The following HIF3A variants were observed in gnomAD, a reference collection of about 807,000 sequenced individuals.
HIF3A encodes hypoxia inducible factor 3 subunit alpha.
A neutral mutation model predicts 67.2 loss-of-function variants in HIF3A; 41 were observed. That is an observed-to-expected ratio of 0.61 (90% CI 0.48 to 0.79). HIF3A has a LOEUF of 0.79. Among genes scored for constraint, HIF3A ranks in the 30% least tolerant of loss-of-function variants. HIF3A has a pLI of 0.00. For synonymous variants in HIF3A, 356 were observed against 374.8 expected, an observed-to-expected ratio of 0.95 and a Z score of 0.58; for missense variants, 855 against 898.0, an observed-to-expected ratio of 0.95 and a Z score of 0.61.
chr19:46,323,945 T>A (rs1331715188), intron 10 of HIF3A, among the ~76,000 whole-genome samples: 2 of 152,110 alleles, frequency 1.3e-5, no homozygotes, highest in Non-Finnish European at 2.9e-5. Flanking sequence ...GGGACTATAG[T>A]TCAAGATGAG....
chr19:46,331,021 T>C (rs1971173605), intron 12 of HIF3A, 135 bp from the exon 13 acceptor site: 2 of 546,130 alleles, frequency 3.7e-6, no homozygotes, highest in South Asian at 6.3e-5. Flanking sequence ...GATGGATGGA[T>C]GGACTGGTGG....
intron 1 of HIF3A, chr19:46,298,478 C>A: frequency 7.8e-7 from 1 of 1,286,902 alleles, no homozygotes; most frequent in Non-Finnish European, 1.0e-6. Context: ...CCTGCACCCC[C>A]TGGATGGCCC....
At chr19:46,335,115 G>A (rs1032919065) in intron 14 of HIF3A, 129 bp downstream of exon 14, 4 of 629,662 alleles carry the variant, frequency 6.4e-6, no homozygotes, top group African/African-American at 5.5e-5. Flanking sequence ...GGAAACGGCA[G>A]CTCCTGTCTC....
At chr19:46,320,036 C>T (rs995230691) in intron 8 of HIF3A, among the ~76,000 whole-genome samples, 2 of 152,116 alleles carry the variant, frequency 1.3e-5, no homozygotes, top group African/African-American at 2.4e-5. Flanking sequence ...TCGAGACCAG[C>T]CTGGCCAACG....
intron 14 of HIF3A, among the ~76,000 whole-genome samples, chr19:46,337,408 A>G (rs988847406): frequency 7.2e-5 from 11 of 152,146 alleles, no homozygotes; most frequent in African/African-American, 2.6e-4. Flanking sequence ...AGCTGGGACT[A>G]CAAGTGCGCT....
intron 13 of HIF3A, among the ~76,000 whole-genome samples, chr19:46,334,381 C>T (rs1335336616): frequency 2.0e-5 from 3 of 152,114 alleles, no homozygotes; most frequent in Admixed American, 6.5e-5. Context: ...CGTGAGCCGC[C>T]ATGCCCAGCT....
In HIF3A at chr19:46,329,420, T is replaced by C. The variant is rs369671962; in HGVS notation, c.1654T>C (p.Ser552Pro). The C allele has an allele frequency of 6.3e-7, 1 of 1,587,882 alleles. No homozygotes were observed. Among genetic ancestry groups the C allele is most frequent in the African/African-American group, 1.3e-5 (1 of 74,412 alleles). ...GGGGAGTGACCCCCGGCTGAGCTGCTCCAGCCCTTCCAGAGGGGACCCCTC... is the reference window on the plus strand; with the variant it reads ...GGGGAGTGACCCCCGGCTGAGCTGCCCCAGCCCTTCCAGAGGGGACCCCTC... ...RWGSDPRLSC[S>P]SPSRGDPSAS... The change falls in exon 12 of 15, where the codon TCC (serine) becomes CCC (proline). Residue 552 changes from serine (S) to proline (P), a missense_variant. Ser to Pro is a moderately conservative substitution (Grantham distance 74). This residue lies in a region of HIF3A where 199 missense variants were observed against 193.8 expected (regional missense o/e 1.03). Coordinates refer to ENST00000377670, the MANE Select transcript of HIF3A (RefSeq NM_152795.4).
rs971745007 is a variant in HIF3A, at chr19:46,340,655, A to G, written c.*1033A>G. ...AGCCGGGACTACGGGCATGTGCCAC[A>G]TTGCCCGGCTAATTTTTGTATTTTT... is the stretch of plus-strand genomic sequence containing the variant. On this transcript the variant is annotated 3_prime_UTR_variant, in exon 15 of 15. Coordinates refer to ENST00000377670, the MANE Select transcript of HIF3A (RefSeq NM_152795.4). The G allele has an allele frequency of 6.6e-6, 1 of 152,042 alleles. No homozygotes were observed. The highest frequency in any genetic ancestry group is 2.4e-5 in the African/African-American group (1 of 41,380). 9.4% of individuals were successfully genotyped at this position (152,042 alleles called of 1,614,324 possible).
chr19:46,324,622 G>A (rs1043434044), intron 10 of HIF3A, among the ~76,000 whole-genome samples: 2 of 151,978 alleles, frequency 1.3e-5, no homozygotes, highest in Non-Finnish European at 2.9e-5. Context: ...GGGAGGCTGA[G>A]GTGGGGAGAT....
rs761943284 is a variant in HIF3A at position 46,325,538 on chromosome 19, G to C, written c.1339G>C (p.Asp447His). The C allele has an allele frequency of 1.2e-6, 2 of 1,611,046 alleles. No homozygotes were observed. The highest frequency in any genetic ancestry group is 2.7e-5 in the African/African-American group (2 of 74,854). Residue 447 changes from aspartate (D) to histidine (H), a missense_variant, in exon 11 of 15, where the codon GAT becomes CAT. Around this residue, in one of 3 missense-constraint regions of HIF3A, gnomAD observed 638 missense variants for 660.5 expected, o/e 0.97. Coordinates refer to ENST00000377670, the MANE Select transcript of HIF3A (RefSeq NM_152795.4). ...TRHPQSPLSA[D>H]LPDELPVGTE... The stretch of plus-strand genomic sequence containing the variant: ...TTTCTACTCCATCTCTCCACAGGCT[G>C]ATCTCCCAGATGAACTACCTGTGGG...
At position 46,322,078 on chromosome 19, in the gene HIF3A, G is replaced by A. The variant is rs192688457; in HGVS notation, c.1335+112G>A. 50 of 1,082,410 alleles carry A rather than the reference G, an allele frequency of 4.6e-5. No homozygotes were observed. The Admixed American group carries it at 1.1e-3, about 24-fold the overall frequency. 67.1% of individuals were successfully genotyped at this position (1,082,410 alleles called of 1,614,324 possible). ...TCTGGGCCTCAGCTTCTCCATCTGT[G>A]TAGTGGGGAGGTTGGGATGAGATGG... On this transcript the variant is annotated intron_variant, in intron 10 of 14. Coordinates refer to ENST00000377670, the MANE Select transcript of HIF3A (RefSeq NM_152795.4).
chr19:46,312,087 T>A (rs1261172163), intron 6 of HIF3A, 74 bp from the exon 7 acceptor site: 1 of 1,063,240 alleles, frequency 9.4e-7, no homozygotes, highest in Non-Finnish European at 1.5e-6. Flanking sequence ...TGTCCTCTGC[T>A]GCTACTTCCC....
chr19:46,327,364 G>A (rs1970865306), intron 11 of HIF3A, among the ~76,000 whole-genome samples: 1 of 147,338 alleles, frequency 6.8e-6, no homozygotes, highest in Non-Finnish European at 1.5e-5. Flanking sequence ...CACCCAAGCT[G>A]GAATTCAGTG....
intron 1 of HIF3A, among the ~76,000 whole-genome samples, chr19:46,299,263 G>C (rs1431556520): frequency 1.3e-5 from 2 of 152,230 alleles, no homozygotes; most frequent in African/African-American, 4.8e-5. Flanking sequence ...AGGGACCGAG[G>C]CTGCTAGGCA....
intron 14 of HIF3A, chr19:46,338,537 T>G: frequency 8.8e-7 from 1 of 1,134,606 alleles, no homozygotes; most frequent in African/African-American, 1.7e-5. Context: ...CTCTCATAAA[T>G]GAAGTATGTG....
At chr19:46,314,883 A>T (rs1432681243) in intron 8 of HIF3A, among the ~76,000 whole-genome samples, 3 of 146,314 alleles carry the variant, frequency 2.1e-5, no homozygotes, top group Non-Finnish European at 3.0e-5. Context: ...TTACACAAAA[A>T]TATTCTCTTG....
rs1971853731 is a variant in HIF3A, at chr19:46,339,538, A to C, written c.1926A>C (p.Ser642=). The change falls in exon 15 of 15, where the codon TCA becomes TCC. Residue 642 remains serine, a synonymous_variant. Coordinates refer to ENST00000377670, the MANE Select transcript of HIF3A (RefSeq NM_152795.4). ...TCATCTTTGCAGGCCTGGGCCCCTC[A>C]CTGCTCTCTCCGTACTCAGACGAGG... ...NLNEPLGLGP[S]LLSPYSDEDT... 6.3e-7 allele frequency: 1 copy of C among 1,597,934 alleles called. No individual in the cohort carries two copies. The highest frequency in any genetic ancestry group is 2.3e-5 in the East Asian group (1 of 44,022).
In HIF3A at chr19:46,309,359, G is replaced by C. The variant is rs775591223; in HGVS notation, c.770G>C (p.Arg257Thr). Residue 257 changes from arginine to threonine, a missense_variant and splice_region_variant, in exon 6 of 15, where the codon AGG becomes ACG. Around this residue, in one of 3 missense-constraint regions of HIF3A, gnomAD observed 638 missense variants for 660.5 expected, o/e 0.97. Transcript: ENST00000377670. Reference sequence around the variant, plus strand: ...ATGAAGTTCACCTACTGTGACGACAGGTGGGCAGGGGCCCCCTCTTCCGTC... The same window carrying C: ...ATGAAGTTCACCTACTGTGACGACACGTGGGCAGGGGCCCCCTCTTCCGTC... ...LDMKFTYCDDRIAEVAGYSPD... is the reference protein window; with the variant it reads ...LDMKFTYCDDTIAEVAGYSPD... 1.4e-5 allele frequency: 22 copies of C among 1,596,596 alleles called. No homozygotes were observed. The highest frequency in any genetic ancestry group is 2.7e-5 in the African/African-American group (2 of 74,452).
At chr19:46,323,802 G>C (rs1326747659) in intron 10 of HIF3A, among the ~76,000 whole-genome samples, 1 of 152,112 alleles carries the variant, frequency 6.6e-6, no homozygotes, top group African/African-American at 2.4e-5. Context: ...AAAACCAAGC[G>C]AAAGGGGTTT....
Sources: gnomAD v4.1 joint callset for allele counts (sites outside exome capture counted in the v4.1 genomes callset) on GRCh38, gnomAD v4.1.1 for gene constraint, gnomAD v4.1.1 regional missense constraint, MANE v1.5 for transcripts, NCBI Gene and HGNC (gene_info 2026-07-23, HGNC 2026-07-21) for gene names.